LRP8: variants seen among roughly 807,000 people sequenced by gnomAD.
LRP8 encodes low-density lipoprotein receptor-related protein 8.
Under a neutral mutation model 111.6 loss-of-function variants are expected in LRP8, and 46 were observed. The ratio of observed to expected loss-of-function variants is 0.41; its 90% CI spans 0.33 to 0.53. The LOEUF (loss-of-function observed/expected upper bound fraction) is 0.53, where lower values mean the gene tolerates loss of function less well. Ranked by LOEUF, LRP8 falls within the 20% of genes least tolerant of loss-of-function variation. LRP8 has a pLI of 0.20. For missense variants in LRP8, 959 were observed against 1,297.4 expected, an observed-to-expected ratio of 0.74 and a Z score of 4.01; for synonymous variants, 464 against 511.2, an observed-to-expected ratio of 0.91 and a Z score of 1.24.
chr1:53,269,005 G>A (rs1030230557), intron 8 of LRP8, among the ~76,000 whole-genome samples: 1 of 152,162 alleles, frequency 6.6e-6, no homozygotes, highest in African/African-American at 2.4e-5. Context: ...AGAATAAAAT[G>A]TCACACCATG....
At chr1:53,257,153 G>A in intron 15 of LRP8, 87 bp downstream of exon 15, 1 of 1,199,168 alleles carries the variant, frequency 8.3e-7, no homozygotes, top group Non-Finnish European at 1.2e-6. Context: ...TTCAGCTCTG[G>A]TAGGTTCTGT....
At chr1:53,320,867 A>G (rs1381121883) in intron 2 of LRP8, among the ~76,000 whole-genome samples, 3 of 152,150 alleles carry the variant, frequency 2.0e-5, no homozygotes, top group Admixed American at 2.0e-4. Flanking sequence ...TCAGCGGGGA[A>G]CGGCTTAAGA....
chr1:53,271,056 G>T lies in LRP8; in HGVS notation c.1224C>A (p.Asp408Glu). ...KCECYPGYEMDLLTKNCKAAA... is the reference protein window; with the variant it reads ...KCECYPGYEMELLTKNCKAAA... ...CAGCCTTGCAGTTCTTGGTCAGTAGGTCCATCTCGTAGCCAGGGTAGCACT... is the reference window on the plus strand; with the variant it reads ...CAGCCTTGCAGTTCTTGGTCAGTAGTTCCATCTCGTAGCCAGGGTAGCACT... Residue 408 changes from aspartate (D) to glutamate (E), a missense_variant, in exon 8 of 19, where the codon GAC becomes GAA. Transcript: ENST00000306052. 6.2e-7 allele frequency: 1 copy of T among 1,613,972 alleles called. No homozygotes were observed. The highest frequency in any genetic ancestry group is 8.5e-7 in the Non-Finnish European group (1 of 1,180,020).
At chr1:53,295,927 T>G (rs532706137) in intron 2 of LRP8, among the ~76,000 whole-genome samples, 5 of 152,186 alleles carry the variant, frequency 3.3e-5, no homozygotes, top group Non-Finnish European at 7.3e-5. Context: ...AGGGAGGGAC[T>G]AGCCCGTGTT....
In LRP8 at chr1:53,281,417, T is replaced by G. The variant is rs72895336; in HGVS notation, c.368-702A>C. On this transcript the variant is annotated intron_variant, in intron 3 of 18. Transcript: ENST00000306052. Reference sequence around the variant, plus strand: ...TCAAGGCTGGGGACAGCTCTTATCATGAGTTTCTGCTGGACCCATGTGACA... The same window carrying G: ...TCAAGGCTGGGGACAGCTCTTATCAGGAGTTTCTGCTGGACCCATGTGACA... Among the ~76,000 whole-genome samples, 1,313 of 152,356 alleles carry G rather than the reference T, an allele frequency of 8.6e-3. 14 individuals carry two copies. The highest frequency in any genetic ancestry group is 0.029 in the African/African-American group (1,225 of 41,586).
intron 15 of LRP8, among the ~76,000 whole-genome samples, chr1:53,255,399 C>CT (rs1225695531): frequency 2.6e-5 from 4 of 152,166 alleles, no homozygotes; most frequent in Non-Finnish European, 5.9e-5. Context: ...GGCAAGGAAA[C>CT]TGAGTCTTAA....
At chr1:53,321,556 C>T (rs977628239) in intron 2 of LRP8, among the ~76,000 whole-genome samples, 1 of 152,154 alleles carries the variant, frequency 6.6e-6, no homozygotes, top group Non-Finnish European at 1.5e-5. Context: ...CTCACTGCCC[C>T]CTGGGGGTCT....
chr1:53,253,610 A>G (rs1310650547), intron 16 of LRP8, among the ~76,000 whole-genome samples: 3 of 152,200 alleles, frequency 2.0e-5, no homozygotes, highest in Non-Finnish European at 4.4e-5. Flanking sequence ...GCAAAACAGC[A>G]TATATCTGCC....
intron 2 of LRP8, among the ~76,000 whole-genome samples, chr1:53,324,762 C>T (rs2100555001): frequency 6.6e-6 from 1 of 152,300 alleles, no homozygotes; most frequent in East Asian, 1.9e-4. Context: ...TCACATGGAG[C>T]TGAAACGCAC....
chr1:53,278,905 C>T (rs892139981), intron 4 of LRP8, among the ~76,000 whole-genome samples: 3 of 150,268 alleles, frequency 2.0e-5, no homozygotes, highest in Middle Eastern at 6.4e-3. Flanking sequence ...GTAGCCACCA[C>T]GCCCGGCTAA....
chr1:53,250,809 G>T lies in LRP8; in HGVS notation c.2557C>A (p.Arg853=), dbSNP rs147172505. The change falls in exon 17 of 19, where the codon CGG becomes AGG. Residue 853 remains arginine, a synonymous_variant. Transcript: ENST00000306052. The surrounding 1 kb of genome is among the most constrained non-coding windows in gnomAD (Gnocchi z 4.6). The part of the protein sequence containing the change: ...SGYLIWRNWK[R]KNTKSMNFDN... The stretch of plus-strand genomic sequence containing the variant: ...AAATTCATGCTTTTGGTGTTCTTCC[G>T]CTTCCAGTTTCTCCAGATCAGGTAT... The T allele has an allele frequency of 4.3e-6, 7 of 1,613,952 alleles. 1 individual carries two copies. The African/African-American group carries it at 9.3e-5, about 22-fold the overall frequency.
chr1:53,243,238 G>A lies in LRP8; in HGVS notation c.*3780C>T, dbSNP rs1645673950. ...TCCCCATTCCCACCAGTGCCCAACT[G>A]GACAGTGATTAGTATCCCCTCTCCA... On this transcript the variant is annotated 3_prime_UTR_variant, in exon 19 of 19. Transcript: ENST00000306052. The A allele has an allele frequency of 6.6e-6, 1 of 152,120 alleles. No individual in the cohort carries two copies. Among genetic ancestry groups the A allele is most frequent in the Non-Finnish European group, 1.5e-5 (1 of 68,036 alleles). 9.4% of individuals were successfully genotyped at this position (152,120 alleles called of 1,614,324 possible).
At chr1:53,298,056 C>G (rs1288494) in intron 2 of LRP8, among the ~76,000 whole-genome samples, 105,583 of 152,064 alleles carry the variant, frequency 0.69, 37,773 homozygotes, top group East Asian at 0.93. Flanking sequence ...GTGACCCCGT[C>G]ACACGGAGGG....
intron 16 of LRP8, among the ~76,000 whole-genome samples, chr1:53,252,082 G>A (rs1645916750): frequency 6.7e-6 from 1 of 150,156 alleles, no homozygotes; most frequent in Admixed American, 6.6e-5. Flanking sequence ...ATACATATGA[G>A]AAAGGAGGAA....
rs1449403359 is a variant in LRP8 at position 53,272,737 on chromosome 1, G to GCA, written c.1007-1392_1007-1391insTG. On this transcript the variant is annotated intron_variant, in intron 6 of 18. Transcript: ENST00000306052. Reference sequence around the variant, plus strand: ...GGGAAGCCTCAGACCCTTGGAGGTGGGCTGAGCCACGGCAGCTCCCACCTC... The same window carrying GCA: ...GGGAAGCCTCAGACCCTTGGAGGTGGCAGCTGAGCCACGGCAGCTCCCACCTC... The GCA allele has an allele frequency of 5.2e-6, 6 of 1,163,906 alleles. No individual in the cohort carries two copies. The African/African-American group carries it at 9.5e-5, about 18-fold the overall frequency. The allele number at this position is 1,163,906 out of a possible 1,614,324, so 72.1% of individuals were successfully genotyped here.
intron 2 of LRP8, among the ~76,000 whole-genome samples, chr1:53,326,433 C>T (rs1655133404): frequency 6.6e-6 from 1 of 152,216 alleles, no homozygotes; most frequent in African/African-American, 2.4e-5. Context: ...CATTCATTCA[C>T]AAAAACTGAG....
chr1:53,325,175 A>T (rs1267899841), intron 2 of LRP8, among the ~76,000 whole-genome samples: 1 of 152,202 alleles, frequency 6.6e-6, no homozygotes, highest in Non-Finnish European at 1.5e-5. Flanking sequence ...AGCCATTTTC[A>T]TAACCTCAAC....
intron 18 of LRP8, among the ~76,000 whole-genome samples, chr1:53,248,346 G>C (rs1370248391): frequency 6.6e-6 from 1 of 152,158 alleles, no homozygotes; most frequent in Non-Finnish European, 1.5e-5. Flanking sequence ...CTCTCTCTAA[G>C]ACAGATCTCT....
intron 3 of LRP8, among the ~76,000 whole-genome samples, chr1:53,283,099 A>G (rs1191464566): frequency 6.6e-6 from 1 of 152,160 alleles, no homozygotes; most frequent in East Asian, 1.9e-4. Flanking sequence ...TCAATGTGAT[A>G]GCATTAAGAG....
Sources: allele counts gnomAD v4.1 joint callset (sites outside exome capture counted in the v4.1 genomes callset), GRCh38; gene constraint gnomAD v4.1.1; non-coding constraint Gnocchi (gnomAD v3.1); transcripts MANE v1.5; gene names NCBI Gene and HGNC (gene_info 2026-07-23, HGNC 2026-07-21).